THRAP3: variants seen among roughly 807,000 people sequenced by gnomAD.
The protein encoded by THRAP3 is thyroid hormone receptor associated protein 3, also known as thyroid hormone receptor-associated protein 3.
A neutral mutation model predicts 101.0 loss-of-function variants in THRAP3; 16 were observed. The ratio of observed to expected loss-of-function variants is 0.16; its 90% CI spans 0.11 to 0.24. THRAP3 has a LOEUF of 0.24. Among genes scored for constraint, THRAP3 ranks in the 10% least tolerant of loss-of-function variants. The pLI is 1.00. For missense variants in THRAP3, 989 were observed against 1,202.7 expected, an observed-to-expected ratio of 0.82 and a Z score of 2.63; for synonymous variants, 407 against 422.6, an observed-to-expected ratio of 0.96 and a Z score of 0.45.
At chr1:36,225,917 T>G (rs1644956937) in intron 1 of THRAP3, among the ~76,000 whole-genome samples, 1 of 152,206 alleles carries the variant, frequency 6.6e-6, no homozygotes, top group African/African-American at 2.4e-5. Flanking sequence ...GTGATTTGAT[T>G]AAAAACCTCT....
At position 36,270,571 on chromosome 1, in the gene THRAP3, G is replaced by GGTTTTTTTTTTTTTTTTTTTTTTTTTT. The variant is rs1553121666; in HGVS notation, c.-32+11087_-32+11088insGTTTTTTTTTTTTTTTTTTTTTTTTTT. Among the ~76,000 whole-genome samples the GGTTTTTTTTTTTTTTTTTTTTTTTTTT allele has an allele frequency of 2.4e-3, 77 of 31,894 alleles. 5 individuals carry two copies. The highest frequency in any genetic ancestry group is 4.7e-3 in the African/African-American group (67 of 14,198). 20.9% of individuals were successfully genotyped at this position (31,894 alleles called of 152,430 possible). On this transcript the variant is annotated intron_variant, in intron 2 of 11. Transcript: ENST00000354618. ...TAAAAATACAGTTCTATTTGTTTAGGTTTTTGTTTTTTTTTTTTTTTTTGA... is the reference window on the plus strand; with the variant it reads ...TAAAAATACAGTTCTATTTGTTTAGGGTTTTTTTTTTTTTTTTTTTTTTTTTTTTTTTGTTTTTTTTTTTTTTTTTGA...
chr1:36,244,950 G>A (rs936989633), intron 1 of THRAP3, among the ~76,000 whole-genome samples: 1 of 152,016 alleles, frequency 6.6e-6, no homozygotes, highest in African/African-American at 2.4e-5. Context: ...TCAAACTCCT[G>A]ACCTCGTGAT....
upstream of THRAP3, among the ~76,000 whole-genome samples, chr1:36,223,062 T>C (rs769681462): frequency 3.9e-5 from 6 of 152,010 alleles, no homozygotes; most frequent in Non-Finnish European, 8.8e-5. Flanking sequence ...GGGAGGCAGA[T>C]GTTGCAGTGA....
intron 11 of THRAP3, among the ~76,000 whole-genome samples, chr1:36,302,659 A>G (rs892340641): frequency 1.3e-5 from 2 of 152,160 alleles, no homozygotes; most frequent in Admixed American, 6.5e-5. Context: ...CTGAGCTCCA[A>G]CAGCCTAAGA....
intron 5 of THRAP3, 70 bp downstream of exon 5, chr1:36,289,834 G>A: frequency 2.0e-6 from 3 of 1,512,860 alleles, no homozygotes; most frequent in Non-Finnish European, 2.6e-6. Context: ...CTTTCTCCCT[G>A]GGGACATTCT....
At chr1:36,217,047 T>C in the THRAP3 span, among the ~76,000 whole-genome samples, 1 of 152,212 alleles carries the variant, frequency 6.6e-6, no homozygotes, top group Non-Finnish European at 1.5e-5. Flanking sequence ...TTTTTTTTCC[T>C]GATCATCATA....
Position 36,296,722 on chromosome 1 carries a change from G to A in THRAP3, c.2255G>A (p.Arg752Lys). The change falls in exon 9 of 12, where the codon AGG (arginine) becomes AAG (lysine). Residue 752 changes from arginine to lysine, a missense_variant. Transcript: ENST00000354618. ...DSRDSSHSRERSAEKTEKTHK... is the reference protein window; with the variant it reads ...DSRDSSHSREKSAEKTEKTHK... Reference sequence around the variant, plus strand: ...CGAGACTCCAGTCACTCAAGGGAAAGGTCAGCTGAAAAAACAGAGAAAACT... The same window carrying A: ...CGAGACTCCAGTCACTCAAGGGAAAAGTCAGCTGAAAAAACAGAGAAAACT... 6.2e-7 allele frequency: 1 copy of A among 1,604,494 alleles called. No individual in the cohort carries two copies. Among genetic ancestry groups the A allele is most frequent in the Non-Finnish European group, 8.5e-7 (1 of 1,177,718 alleles).
chr1:36,291,619 G>A, intron 6 of THRAP3, 73 bp downstream of exon 6: 1 of 1,527,300 alleles, frequency 6.5e-7, no homozygotes, highest in Admixed American at 1.8e-5. Context: ...GGGTGGATAA[G>A]GAGTTTTGGG....
Position 36,304,324 on chromosome 1 carries a change from G to A in THRAP3, c.*307G>A, listed in dbSNP as rs1570360630. ...GGGGTAGGGCGGGAGAGCGATGCTT[G>A]GATTTTTGTTTCCTATTAGAAACCA... On this transcript the variant is annotated 3_prime_UTR_variant, in exon 12 of 12. Coordinates refer to ENST00000354618, the MANE Select transcript of THRAP3 (RefSeq NM_005119.4). 2 of 275,906 alleles carry A rather than the reference G, an allele frequency of 7.2e-6. No individual in the cohort carries two copies. The allele number at this position is 275,906 out of a possible 1,614,324, so 17.1% of individuals were successfully genotyped here.
chr1:36,279,724 G>C (rs901272878), intron 2 of THRAP3, among the ~76,000 whole-genome samples: 3 of 152,136 alleles, frequency 2.0e-5, no homozygotes, highest in Non-Finnish European at 2.9e-5. Flanking sequence ...ATGTCTCTAA[G>C]ATTTTGCTTG....
chr1:36,256,882 G>C (rs1171964898), intron 1 of THRAP3, among the ~76,000 whole-genome samples: 1 of 151,764 alleles, frequency 6.6e-6, no homozygotes, highest in African/African-American at 2.4e-5. Context: ...CACAACCTCT[G>C]CCTCCCAGGT....
intron 1 of THRAP3, among the ~76,000 whole-genome samples, chr1:36,241,503 G>C (rs902039168): frequency 6.7e-6 from 1 of 149,634 alleles, no homozygotes; most frequent in East Asian, 1.9e-4. Context: ...TAATGTGTGA[G>C]TATTTTGCAT....
At chr1:36,288,323 GAGTTCCCAA>G (rs1296071242) in intron 4 of THRAP3, 1 of 923,990 alleles carries the variant, frequency 1.1e-6, no homozygotes, top group East Asian at 1.2e-4. Flanking sequence ...CCTTCTCCTT[GAGTTCCCAA>G]AGTTCATTAT....
Position 36,289,645 on chromosome 1 carries a change from T to C in THRAP3, c.1626T>C (p.Ser542=), listed in dbSNP as rs1377588227. The C allele has an allele frequency of 6.2e-7, 1 of 1,614,186 alleles. No homozygotes were observed. The change falls in exon 5 of 12, where the codon TCT becomes TCC. Residue 542 remains serine, a synonymous_variant. Transcript: ENST00000354618. ...CATCACCTCCCCCAAGAAAGACCTC[T>C]GAGAGCCGAGACAAGCTGGGAGCGA... The part of the protein sequence containing the change: ...KSSSPPPRKT[S]ESRDKLGAKG...
intron 1 of THRAP3, among the ~76,000 whole-genome samples, chr1:36,252,276 C>A (rs970084375): frequency 6.6e-6 from 1 of 152,278 alleles, no homozygotes; most frequent in South Asian, 2.1e-4. Flanking sequence ...TAGGCATGTG[C>A]CACCATGCCC....
intron 2 of THRAP3, among the ~76,000 whole-genome samples, chr1:36,273,305 G>A (rs1043108569): frequency 6.6e-6 from 1 of 152,212 alleles, no homozygotes; most frequent in East Asian, 1.9e-4. Context: ...CTCACATGGA[G>A]TCAGTTCTCG....
intron 8 of THRAP3, chr1:36,294,317 G>C (rs922924778): frequency 1.3e-6 from 1 of 797,158 alleles, no homozygotes; most frequent in African/African-American, 1.8e-5. Context: ...TGTCAGAGAA[G>C]AGTGAAATAT....
intron 4 of THRAP3, chr1:36,287,876 G>A: frequency 1.0e-6 from 1 of 985,486 alleles, no homozygotes; most frequent in Non-Finnish European, 1.2e-6. Flanking sequence ...GACACGGTGA[G>A]TTGGAACATG....
rs1412854580 is a variant in THRAP3, at chr1:36,305,273, C to G, written c.*1256C>G. On this transcript the variant is annotated 3_prime_UTR_variant, in exon 12 of 12. Coordinates refer to ENST00000354618, the MANE Select transcript of THRAP3 (RefSeq NM_005119.4). ...TTAAGTTGGTTTTACTTGAATGATT[C>G]ATGTTTAGGGGGAAAATGAAAATCT... 2 of 205,382 alleles carry G rather than the reference C, an allele frequency of 9.7e-6. No homozygotes were observed. Among genetic ancestry groups the G allele is most frequent in the Non-Finnish European group, 2.0e-5 (2 of 100,170 alleles). The allele number at this position is 205,382 out of a possible 1,614,324, so 12.7% of individuals were successfully genotyped here.
Sources: gnomAD v4.1 joint callset for allele counts (sites outside exome capture counted in the v4.1 genomes callset) on GRCh38, gnomAD v4.1.1 for gene constraint, MANE v1.5 for transcripts, NCBI Gene and HGNC (gene_info 2026-07-23, HGNC 2026-07-21) for gene names.